NUP210L: variants seen among roughly 807,000 people sequenced by gnomAD.
NUP210L encodes nuclear pore membrane glycoprotein 210-like.
NUP210L carries 74 observed loss-of-function variants against 208.5 expected under a neutral mutation model. The observed-to-expected ratio is 0.35, with a 90% confidence interval of 0.29 to 0.43. The LOEUF is 0.43. Among genes scored for constraint, NUP210L ranks in the 20% least tolerant of loss-of-function variants. The pLI, the probability that NUP210L is intolerant of heterozygous loss-of-function variation, is 1.00. For synonymous variants in NUP210L, 780 were observed against 816.9 expected, an observed-to-expected ratio of 0.95 and a Z score of 0.77; for missense variants, 1,843 against 2,289.4, an observed-to-expected ratio of 0.81 and a Z score of 3.98.
chr1:154,056,123 C>A (rs529609293), intron 23 of NUP210L, among the ~76,000 whole-genome samples: 4 of 152,278 alleles, frequency 2.6e-5, no homozygotes, highest in Admixed American at 2.0e-4. Context: ...CATTTAACAC[C>A]TTTAAAATTT....
At chr1:154,138,865 A>T (rs1658691183) in intron 5 of NUP210L, among the ~76,000 whole-genome samples, 1 of 152,260 alleles carries the variant, frequency 6.6e-6, no homozygotes, top group South Asian at 2.1e-4. Flanking sequence ...GCAAGCTGCT[A>T]ATATATACTA....
intron 1 of NUP210L, among the ~76,000 whole-genome samples, chr1:154,153,753 T>C (rs1386906837): frequency 6.6e-6 from 1 of 152,232 alleles, no homozygotes; most frequent in Non-Finnish European, 1.5e-5. Context: ...GCCTCATTAA[T>C]ATTTTTGGAG....
chr1:154,057,447 T>A (rs915405640), intron 22 of NUP210L, among the ~76,000 whole-genome samples: 2 of 152,018 alleles, frequency 1.3e-5, no homozygotes, highest in East Asian at 3.9e-4. Context: ...GTTCTAAGGC[T>A]CCAGAGGAAT....
At chr1:154,154,982 T>A (rs746505285) in exon 1 of NUP210L, 1 of 1,613,992 alleles carries the variant, frequency 6.2e-7, no homozygotes, top group Non-Finnish European at 8.5e-7. Flanking sequence ...GGAGGCGGTG[T>A]AGACGCAAGA....
chr1:154,053,579 G>A (rs1414464196), intron 25 of NUP210L, among the ~76,000 whole-genome samples: 1 of 152,198 alleles, frequency 6.6e-6, no homozygotes, highest in Non-Finnish European at 1.5e-5. Flanking sequence ...GGCCCACCCA[G>A]GGCGGAAAAC....
chr1:154,144,489 C>T (rs115829798), intron 2 of NUP210L, among the ~76,000 whole-genome samples: 1,742 of 152,226 alleles, frequency 0.011, 40 homozygotes, highest in African/African-American at 0.04. Flanking sequence ...GCTAGAGTCC[C>T]AGTCCAACCA....
At chr1:154,099,784 A>C (rs1454990621) in intron 14 of NUP210L, among the ~76,000 whole-genome samples, 7 of 152,246 alleles carry the variant, frequency 4.6e-5, no homozygotes, top group Non-Finnish European at 1.0e-4. Context: ...TACAACTTAA[A>C]GATATTCCTG....
chr1:154,149,583 C>A (rs1342860684), intron 2 of NUP210L, among the ~76,000 whole-genome samples: 2 of 152,080 alleles, frequency 1.3e-5, no homozygotes, highest in African/African-American at 4.8e-5. Context: ...GTGGTGCCCC[C>A]CTGTAGTCCC....
Position 154,000,764 on chromosome 1 carries a change from C to T in NUP210L, c.5386+92G>A, listed in dbSNP as rs577625141. The T allele has an allele frequency of 6.5e-4, 719 of 1,106,630 alleles. 7 individuals are homozygous for T. In the Middle Eastern group the frequency reaches 9.3e-3, roughly 14 times the overall value. 68.6% of individuals were successfully genotyped at this position (1,106,630 alleles called of 1,614,324 possible). A position where few individuals can be genotyped will look rare whatever the true frequency, so the allele number is the denominator to read the frequency against. Reference sequence around the variant, plus strand: ...CCGTGGTTGACAGTTAAGTGAAATGCGGAAAGCAAAACTGCAGATGGGGGG... The same window carrying T: ...CCGTGGTTGACAGTTAAGTGAAATGTGGAAAGCAAAACTGCAGATGGGGGG... On this transcript the variant is annotated intron_variant, in intron 37 of 39. Coordinates refer to ENST00000368559, the Ensembl canonical transcript of NUP210L.
chr1:154,048,622 AC>A (rs1338773033), intron 25 of NUP210L, among the ~76,000 whole-genome samples: 1 of 152,030 alleles, frequency 6.6e-6, no homozygotes, highest in Non-Finnish European at 1.5e-5. Flanking sequence ...CCACTCCCTC[AC>A]CCCTGTACAA....
At chr1:154,122,259 T>C (rs969542795) in intron 10 of NUP210L, among the ~76,000 whole-genome samples, 7 of 152,158 alleles carry the variant, frequency 4.6e-5, no homozygotes, top group Non-Finnish European at 1.5e-5. Flanking sequence ...ATTTTTAAAA[T>C]TGAATTCATA....
intron 13 of NUP210L, among the ~76,000 whole-genome samples, chr1:154,102,075 T>C (rs1656500054): frequency 6.6e-6 from 1 of 151,946 alleles, no homozygotes; most frequent in Non-Finnish European, 1.5e-5. Flanking sequence ...CACTTGAACC[T>C]GGGAGGTAGA....
chr1:154,000,816 T>G lies in NUP210L; in HGVS notation c.5386+40A>C, dbSNP rs760036810. The stretch of plus-strand genomic sequence containing the variant: ...ACTAATGTAATACATTCTTTCTTCT[T>G]TTCCTCTCTAGATTATAAATAGGAA... On this transcript the variant is annotated intron_variant, in intron 37 of 39. Transcript: ENST00000368559. The G allele has an allele frequency of 4.5e-6, 7 of 1,559,650 alleles. No individual in the cohort carries two copies. The Admixed American group carries it at 1.2e-4, about 26-fold the overall frequency.
intron 16 of NUP210L, chr1:154,079,630 ATCTTT>A (rs1421801013): frequency 6.6e-6 from 1 of 152,394 alleles, no homozygotes; most frequent in East Asian, 1.9e-4. Context: ...GAAGCACATT[ATCTTT>A]ATTTGTTAGA....
exon 40 of NUP210L, chr1:153,992,702 G>A (rs1335198682): frequency 1.2e-5 from 8 of 681,644 alleles, no homozygotes; most frequent in Non-Finnish European, 2.0e-5. Flanking sequence ...TTAAGAAACA[G>A]CTTAGGATGC....
chr1:154,069,942 A>G (rs1055774758), intron 17 of NUP210L, among the ~76,000 whole-genome samples: 2 of 152,288 alleles, frequency 1.3e-5, no homozygotes, highest in Non-Finnish European at 2.9e-5. Flanking sequence ...TGAGCAAACT[A>G]TCACAAGGAC....
chr1:154,035,398 T>A (rs534078386), intron 27 of NUP210L, among the ~76,000 whole-genome samples: 2 of 151,772 alleles, frequency 1.3e-5, no homozygotes, highest in African/African-American at 4.8e-5. Flanking sequence ...TTTAATTTTT[T>A]CTACTTTTTT....
chr1:154,094,915 A>G lies in NUP210L; in HGVS notation c.2187+20T>C, dbSNP rs1460248785. 1 of 1,581,546 alleles carries G rather than the reference A, an allele frequency of 6.3e-7. No homozygotes were observed. Among genetic ancestry groups the G allele is most frequent in the Non-Finnish European group, 8.7e-7 (1 of 1,150,924 alleles). On this transcript the variant is annotated intron_variant, in intron 15 of 39. Transcript: ENST00000368559. ...GGAGTATTACACTAAAGAAAATGTT[A>G]TAAAAAACTGTTTTCCTACTTGTTC...
At chr1:154,058,110 G>T in exon 22 of NUP210L, 1 of 1,614,118 alleles carries the variant, frequency 6.2e-7, no homozygotes, top group East Asian at 2.2e-5. Context: ...AATGGCAGAA[G>T]CCAACTGCAG....
Sources: gnomAD v4.1 joint callset for allele counts (sites outside exome capture counted in the v4.1 genomes callset) on GRCh38, gnomAD v4.1.1 for gene constraint, MANE v1.5 for transcripts, NCBI Gene and HGNC (gene_info 2026-07-23, HGNC 2026-07-21) for gene names.